The following PRLR variants were observed in gnomAD, a reference collection of about 807,000 sequenced individuals.
PRLR encodes the protein hPRL receptor.
In PRLR, 13 loss-of-function variants were observed where a neutral mutation model predicts 40.2. The observed-to-expected ratio is 0.32, with a 90% CI of 0.21 to 0.51. The LOEUF (loss-of-function observed/expected upper bound fraction) is 0.51, where lower values mean the gene tolerates loss of function less well. Among genes scored for constraint, PRLR ranks in the 20% least tolerant of loss-of-function variants. PRLR has a pLI of 0.97. For synonymous variants in PRLR, 269 were observed against 278.7 expected (o/e 0.97, Z 0.35); for missense variants, 656 against 747.3 (o/e 0.88, Z 1.42).
chr5:35,172,816 ATAGAGGGGACT>A (rs1258235953), intron 1 of PRLR, among the ~76,000 whole-genome samples: 1 of 152,172 alleles, frequency 6.6e-6, no homozygotes, highest in East Asian at 1.9e-4. Flanking sequence ...TTCTGGGGTT[ATAGAGGGGACT>A]TGATTTGTTC....
At chr5:35,054,138 A>T (rs1768609885), downstream of PRLR, among the ~76,000 whole-genome samples, 1 of 152,268 alleles carries the variant, frequency 6.6e-6, no homozygotes, top group Non-Finnish European at 1.5e-5. Flanking sequence ...ATTGTCAAAC[A>T]TTAAAATATC....
intron 2 of PRLR, among the ~76,000 whole-genome samples, chr5:35,109,749 A>G (rs1287839099): frequency 6.6e-6 from 1 of 152,222 alleles, no homozygotes; most frequent in Non-Finnish European, 1.5e-5. Flanking sequence ...AGAAATAGGA[A>G]CACTTTTACA....
Position 35,065,365 on chromosome 5 carries a change from G to A in PRLR, c.1593C>T (p.Ser531=), listed in dbSNP as rs143852514. Residue 531 remains serine, a synonymous_variant, in exon 10 of 10, where the codon AGC becomes AGT. Coordinates refer to ENST00000618457, the MANE Select transcript of PRLR (RefSeq NM_000949.7). ...LSLLPKQREN[S]GKPKKPGTPE... is the part of the protein sequence containing the mutation. ...GAGTCCCGGGCTTCTTGGGCTTGCCGCTGTTCTCTCTCTGTTTTGGTAGCA... is the reference window on the plus strand; with the variant it reads ...GAGTCCCGGGCTTCTTGGGCTTGCCACTGTTCTCTCTCTGTTTTGGTAGCA... The A allele has an allele frequency of 6.9e-5, 112 of 1,613,990 alleles. No individual in the cohort carries two copies. In the African/African-American group the frequency reaches 1.3e-3, roughly 19 times the overall value.
chr5:35,144,819 G>A (rs148247142), intron 1 of PRLR, among the ~76,000 whole-genome samples: 9 of 152,052 alleles, frequency 5.9e-5, no homozygotes, highest in Non-Finnish European at 1.0e-4. Flanking sequence ...TGCCCAGGCT[G>A]AACTTCAAGT....
chr5:35,075,346 G>A (rs924050135), intron 5 of PRLR, among the ~76,000 whole-genome samples: 3 of 152,294 alleles, frequency 2.0e-5, no homozygotes, highest in Admixed American at 1.3e-4. Context: ...CTGTAATACT[G>A]CGCTTTTCCA....
Position 35,150,023 on chromosome 5 carries a change from T to C in PRLR, c.-105-31901A>G, listed in dbSNP as rs1217596672. ...GCCAGTGCGCCTGAGTAGCTGGGAT[T>C]ACAGGCATGCGCCACGACGCCCAGC... On this transcript the variant is annotated intron_variant, in intron 1 of 9. Transcript: ENST00000618457. 3.3e-5 allele frequency among the ~76,000 whole-genome samples: 5 copies of C among 152,182 alleles called. No homozygotes were observed. The South Asian group carries it at 6.2e-4, about 19-fold the overall frequency.
intron 1 of PRLR, among the ~76,000 whole-genome samples, chr5:35,198,634 T>G (rs1008147754): frequency 6.6e-6 from 1 of 152,242 alleles, no homozygotes; most frequent in Non-Finnish European, 1.5e-5. Flanking sequence ...TGTGGTTAAG[T>G]AGGAGATACC....
intron 1 of PRLR, among the ~76,000 whole-genome samples, chr5:35,155,225 A>G (rs1237046199): frequency 6.6e-6 from 1 of 152,222 alleles, no homozygotes; most frequent in East Asian, 1.9e-4. Context: ...TGTTACTAAC[A>G]TGCGGGAATG....
chr5:35,207,039 C>A (rs963617083), intron 1 of PRLR, among the ~76,000 whole-genome samples: 10 of 151,986 alleles, frequency 6.6e-5, no homozygotes, highest in African/African-American at 2.4e-4. Flanking sequence ...TTTCATTTGT[C>A]GCATTTCCCA....
At chr5:35,094,683 A>T (rs1418626280) in intron 2 of PRLR, among the ~76,000 whole-genome samples, 6 of 152,100 alleles carry the variant, frequency 3.9e-5, no homozygotes, top group Admixed American at 3.9e-4. Flanking sequence ...AGTATTAGGC[A>T]TTGTGTTAAG....
intron 1 of PRLR, among the ~76,000 whole-genome samples, chr5:35,128,875 T>C (rs1465475572): frequency 6.6e-6 from 1 of 152,182 alleles, no homozygotes; most frequent in Non-Finnish European, 1.5e-5. Context: ...GCTCTCTGCT[T>C]ATCAAGCACA....
At chr5:35,159,453 T>C (rs577990101) in intron 1 of PRLR, among the ~76,000 whole-genome samples, 4 of 151,604 alleles carry the variant, frequency 2.6e-5, no homozygotes, top group Non-Finnish European at 4.4e-5. Context: ...AAAACTAGAG[T>C]GTCACCAGAG....
intron 1 of PRLR, among the ~76,000 whole-genome samples, chr5:35,208,175 G>GCACACA (rs1381286643): frequency 0.067 from 9,756 of 145,306 alleles, 389 homozygotes; most frequent in South Asian, 0.1. Flanking sequence ...ACCCACGCGC[G>GCACACA]CGCACACACA....
chr5:35,167,715 A>T (rs1304750720), intron 1 of PRLR, among the ~76,000 whole-genome samples: 2 of 152,142 alleles, frequency 1.3e-5, no homozygotes, highest in Admixed American at 1.3e-4. Context: ...GGACTAAGTT[A>T]ACTTAAGTAG....
In PRLR at chr5:35,065,317, G is replaced by A. The variant is rs1360787307; in HGVS notation, c.1641C>T (p.Ala547=). 1.9e-6 allele frequency: 3 copies of A among 1,614,138 alleles called. No homozygotes were observed. The highest frequency in any genetic ancestry group is 1.7e-4 in the Middle Eastern group (1 of 6,060). ...PGTPENNKEY[A]KVSGVMDNNI... is the part of the protein sequence containing the mutation. ...TGTTATCCATGACCCCGGACACCTT[G>A]GCATACTCCTTATTGTTCTCAGGAG... is the stretch of plus-strand genomic sequence containing the variant. The change falls in exon 10 of 10, where the codon GCC becomes GCT. Residue 547 remains alanine, a synonymous_variant. Transcript: ENST00000618457.
At chr5:35,090,382 A>C (rs141950774) in intron 2 of PRLR, among the ~76,000 whole-genome samples, 5 of 152,296 alleles carry the variant, frequency 3.3e-5, no homozygotes, top group African/African-American at 1.2e-4. Flanking sequence ...TATTAATACT[A>C]ATATTATTAC....
chr5:35,119,684 A>C (rs1773212690), intron 1 of PRLR, among the ~76,000 whole-genome samples: 2 of 152,226 alleles, frequency 1.3e-5, no homozygotes, highest in South Asian at 4.1e-4. Context: ...TTTAGAACTT[A>C]AAGTTCTCTC....
At chr5:35,212,814 T>G (rs1776203445) in intron 1 of PRLR, among the ~76,000 whole-genome samples, 1 of 152,210 alleles carries the variant, frequency 6.6e-6, no homozygotes, top group Non-Finnish European at 1.5e-5. Context: ...GATCTAAATT[T>G]TGAGGCATCA....
intron 1 of PRLR, among the ~76,000 whole-genome samples, chr5:35,190,360 T>C (rs1231172156): frequency 1.3e-5 from 2 of 152,128 alleles, no homozygotes; most frequent in Non-Finnish European, 2.9e-5. Context: ...ATCCCAGCAC[T>C]TCGGAAGGCT....
Sources: gnomAD v4.1 joint callset for allele counts (sites outside exome capture counted in the v4.1 genomes callset) on GRCh38, gnomAD v4.1.1 for gene constraint, MANE v1.5 for transcripts, NCBI Gene and HGNC (gene_info 2026-07-23, HGNC 2026-07-21) for gene names.